Variants in SLC2A11 observed in about 807,000 individuals in gnomAD.
SLC2A11 encodes the protein solute carrier family 2 member 11, also known as solute carrier family 2, facilitated glucose transporter member 11.
SLC2A11 carries 43 observed loss-of-function variants against 52.1 expected under a neutral mutation model. The ratio of observed to expected loss-of-function variants is 0.82; its 90% CI spans 0.65 to 1.06. SLC2A11 has a LOEUF of 1.06. SLC2A11 is among the 50% of genes least tolerant of loss of function. The probability of loss-of-function intolerance (pLI) is 0.00; values close to 1 mark genes in which losing one functional copy is unlikely to be tolerated. For missense variants in SLC2A11, 582 were observed against 654.2 expected, an observed-to-expected ratio of 0.89 and a Z score of 1.20; for synonymous variants, 261 against 277.6, an observed-to-expected ratio of 0.94 and a Z score of 0.59.
chr22:23,873,855 A>G (rs1016330710), intron 3 of SLC2A11, among the ~76,000 whole-genome samples: 2 of 152,186 alleles, frequency 1.3e-5, no homozygotes, highest in Non-Finnish European at 2.9e-5. Flanking sequence ...GTCATTTTTC[A>G]TTCTCTAGAC....
chr22:23,857,127 G>T (rs73158766), upstream of SLC2A11: 80,682 of 1,230,726 alleles, frequency 0.066, 3,710 homozygotes, highest in Middle Eastern at 0.09. Flanking sequence ...CCAAGGGCTT[G>T]GCCCTCCGGA....
chr22:23,864,556 G>A (rs2032191752), intron 2 of SLC2A11, among the ~76,000 whole-genome samples: 1 of 152,160 alleles, frequency 6.6e-6, no homozygotes, highest in South Asian at 2.1e-4. Context: ...CTGACCTCAG[G>A]CGATCCGCCT....
chr22:23,862,666 C>G (rs971656646), intron 2 of SLC2A11, among the ~76,000 whole-genome samples: 2 of 152,046 alleles, frequency 1.3e-5, no homozygotes, highest in African/African-American at 4.8e-5. Flanking sequence ...TCTTGTTGCC[C>G]AGGCTGGAGT....
At chr22:23,877,896 A>G (rs1161052862) in intron 6 of SLC2A11, 27 bp downstream of exon 6, 12 of 1,590,476 alleles carry the variant, frequency 7.5e-6, no homozygotes, top group East Asian at 2.2e-5. Context: ...GGGCTCCCAG[A>G]CTGCCCTTGA....
chr22:23,875,010 G>A, intron 3 of SLC2A11, 107 bp from the exon 4 acceptor site: 1 of 1,276,078 alleles, frequency 7.8e-7, no homozygotes, highest in Non-Finnish European at 1.0e-6. Context: ...ATACATTTGT[G>A]TGTGTGTCTA....
chr22:23,877,073 G>T lies in SLC2A11; in HGVS notation c.447G>T (p.Leu149=), dbSNP rs546707612. The T allele has an allele frequency of 6.2e-7, 1 of 1,613,952 alleles. No homozygotes were observed. Among genetic ancestry groups the T allele is most frequent in the South Asian group, 1.1e-5 (1 of 91,084 alleles). Residue 149 remains leucine (L), a synonymous_variant, in exon 5 of 12, where the codon CTG becomes CTT. Coordinates refer to ENST00000316185, the MANE Select transcript of SLC2A11 (RefSeq NM_001024939.4). The part of the protein sequence containing the change: ...GVSMNIQPMY[L]GESAPKELRG... The stretch of plus-strand genomic sequence containing the variant: ...GCATGAACATCCAGCCCATGTACCT[G>T]GGGGAGAGCGCCCCTAAGGAGCTCC...
chr22:23,876,702 A>AC (rs141794017), intron 4 of SLC2A11, among the ~76,000 whole-genome samples: 17 of 150,232 alleles, frequency 1.1e-4, no homozygotes, highest in Middle Eastern at 3.2e-3. Context: ...TCCTCCTCCC[A>AC]CCCCCCCGCA....
At chr22:23,879,741 C>G (rs1156368513) in intron 6 of SLC2A11, 7 of 152,462 alleles carry the variant, frequency 4.6e-5, no homozygotes, top group African/African-American at 1.7e-4. Context: ...ATCCTCCTGT[C>G]TCAGCCTCCT....
chr22:23,867,667 A>G (rs1478799063), intron 2 of SLC2A11: 3 of 470,220 alleles, frequency 6.4e-6, no homozygotes, highest in Admixed American at 4.7e-5. Flanking sequence ...GTTCAGCCCC[A>G]CTCACGGAGC....
At chr22:23,868,329 G>A (rs2032334869) in intron 2 of SLC2A11, 152 bp from the exon 3 acceptor site, 1 of 856,910 alleles carries the variant, frequency 1.2e-6, no homozygotes, top group Non-Finnish European at 1.8e-6. Context: ...CAGGCGAGTT[G>A]GTTCCTGCTC....
intron 3 of SLC2A11, chr22:23,869,889 G>C (rs1481240488): frequency 1.5e-6 from 1 of 672,898 alleles, no homozygotes; most frequent in Non-Finnish European, 2.7e-6. Context: ...GTCCTCATAT[G>C]GTGAAAGACA....
In SLC2A11 at chr22:23,868,661, C is replaced by T. The variant is rs777286548; in HGVS notation, c.290+20C>T. 2 of 1,613,176 alleles carry T rather than the reference C, an allele frequency of 1.2e-6. No individual in the cohort carries two copies. Among genetic ancestry groups the T allele is most frequent in the South Asian group, 2.2e-5 (2 of 91,038 alleles). ...GGGAAGGTAAGTGCTTCCTGCATAC[C>T]CCCTGAATGCCCTTTAATGAGGAGC... On this transcript the variant is annotated intron_variant, in intron 3 of 11. Coordinates refer to ENST00000316185, the MANE Select transcript of SLC2A11 (RefSeq NM_001024939.4).
chr22:23,870,021 T>TC (rs1211224796), intron 3 of SLC2A11: 1 of 717,598 alleles, frequency 1.4e-6, no homozygotes, highest in East Asian at 2.7e-5. Flanking sequence ...CACCTCTAAA[T>TC]ACCGTTGCAT....
At chr22:23,860,848 AT>A (rs150669541) in intron 1 of SLC2A11, among the ~76,000 whole-genome samples, 3,000 of 131,320 alleles carry the variant, frequency 0.023, 103 homozygotes, top group African/African-American at 0.077. Flanking sequence ...CGCCCAGCTA[AT>A]TTTTTTTTTT....
Position 23,884,447 on chromosome 22 carries a change from G to T in SLC2A11, c.1299+18G>T, listed in dbSNP as rs200665051. 5.9e-5 allele frequency: 95 copies of T among 1,609,714 alleles called. 1 individual carries two copies. The South Asian group carries it at 8.2e-4, about 14-fold the overall frequency. ...TTATCATGGTAGGCCCGCCCCTCCC[G>T]CTGGGGGCCCTGCCTTAGGCTGTGT... On this transcript the variant is annotated intron_variant, in intron 11 of 11. Transcript: ENST00000316185. The surrounding 1 kb of genome is among the most constrained non-coding windows in gnomAD (Gnocchi z 4.3).
intron 6 of SLC2A11, 67 bp from the exon 7 acceptor site, chr22:23,882,392 C>T (rs1458639501): frequency 6.4e-5 from 86 of 1,351,386 alleles, no homozygotes; most frequent in Admixed American, 1.9e-4. Context: ...TGGAGGGGGG[C>T]GTCCCTGTAG....
chr22:23,861,003 G>A (rs1459012542), intron 1 of SLC2A11, among the ~76,000 whole-genome samples: 2 of 151,830 alleles, frequency 1.3e-5, no homozygotes, highest in Non-Finnish European at 2.9e-5. Context: ...CCGCCACCAC[G>A]CCTGGCTAAT....
Position 23,875,030 on chromosome 22 carries a change from T to C in SLC2A11, c.291-87T>C, listed in dbSNP as rs140622726. On this transcript the variant is annotated intron_variant, in intron 3 of 11. Coordinates refer to ENST00000316185, the MANE Select transcript of SLC2A11 (RefSeq NM_001024939.4). ...TTTGTGTGTGTGTCTAATTAAGGCT[T>C]GTTACAGTTGCAAAGAGTGGTCCCC... is the stretch of plus-strand genomic sequence containing the variant. 1,328 of 1,370,868 alleles carry C rather than the reference T, an allele frequency of 9.7e-4. 18 individuals carry two copies. In the African/African-American group the frequency reaches 0.018, roughly 19 times the overall value. 84.9% of individuals were successfully genotyped at this position (1,370,868 alleles called of 1,614,324 possible). A position where few individuals can be genotyped will look rare whatever the true frequency, so the allele number is the denominator to read the frequency against.
chr22:23,873,331 A>ATGTGTGTGTGTGTGTGTG (rs1568990950), intron 3 of SLC2A11: 31 of 150,240 alleles, frequency 2.1e-4, no homozygotes, highest in African/African-American at 7.0e-4. Flanking sequence ...GTGTGTGTGC[A>ATGTGTGTGTGTGTGTGTG]CGCGTGTGTG....
Sources: allele counts gnomAD v4.1 joint callset (sites outside exome capture counted in the v4.1 genomes callset), GRCh38; gene constraint gnomAD v4.1.1; non-coding constraint Gnocchi (gnomAD v3.1); transcripts MANE v1.5; gene names NCBI Gene and HGNC (gene_info 2026-07-23, HGNC 2026-07-21).